The following MXD4 variants were observed in gnomAD, a reference collection of about 807,000 sequenced individuals.
The protein encoded by MXD4 is MAX dimerization protein 4.
Under a neutral mutation model 24.5 loss-of-function variants are expected in MXD4, and 16 were observed. The ratio of observed to expected loss-of-function variants is 0.65; its 90% CI spans 0.44 to 0.99. The LOEUF (loss-of-function observed/expected upper bound fraction) is 0.99, where lower values mean the gene tolerates loss of function less well. Among genes scored for constraint, MXD4 ranks in the 50% least tolerant of loss-of-function variants. The pLI is 0.00. For missense variants in MXD4, 301 were observed against 301.5 expected (o/e 1.00, Z 0.01); for synonymous variants, 164 against 134.2 (o/e 1.22, Z -1.54).
In MXD4 at chr4:2,258,780, G is replaced by C. The variant is rs1477043721; in HGVS notation, c.165-769C>G. 7 of 403,296 alleles carry C rather than the reference G, an allele frequency of 1.7e-5. No individual in the cohort carries two copies. In the Admixed American group the frequency reaches 1.8e-4, roughly 10 times the overall value. 25.0% of individuals were successfully genotyped at this position (403,296 alleles called of 1,614,324 possible). On this transcript the variant is annotated intron_variant, in intron 2 of 5. Transcript: ENST00000337190. ...AGGCCAGTAGGCACAGGGGGACACT[G>C]AGGCCAGCCCTCCCACTTCCCTCAG...
intron 2 of MXD4, chr4:2,260,417 G>A (rs1735515322): frequency 2.6e-6 from 1 of 383,502 alleles, no homozygotes; most frequent in African/African-American, 2.1e-5. Context: ...TCAGCATAGA[G>A]GCAGTGTTCG....
chr4:2,250,311 T>C lies in MXD4; in HGVS notation c.*233A>G. 1 of 585,502 alleles carries C rather than the reference T, an allele frequency of 1.7e-6. No individual in the cohort carries two copies. Among genetic ancestry groups the C allele is most frequent in the Non-Finnish European group, 3.0e-6 (1 of 333,216 alleles). 36.3% of individuals were successfully genotyped at this position (585,502 alleles called of 1,614,324 possible). A position where few individuals can be genotyped will look rare whatever the true frequency, so the allele number is the denominator to read the frequency against. On this transcript the variant is annotated 3_prime_UTR_variant, in exon 6 of 6. Coordinates refer to ENST00000337190, the MANE Select transcript of MXD4 (RefSeq NM_006454.3). ...CGGCTATGCTGACCAGGGCTCCGGATGTGGAAGCTGGGCCCTGCCTCCTTG... is the reference window on the plus strand; with the variant it reads ...CGGCTATGCTGACCAGGGCTCCGGACGTGGAAGCTGGGCCCTGCCTCCTTG...
chr4:2,258,879 GCTCAC>G (rs1235036613), intron 2 of MXD4: 1 of 455,738 alleles, frequency 2.2e-6, no homozygotes, highest in African/African-American at 2.0e-5. Context: ...CCCACCTGCT[GCTCAC>G]CTGTCTTGCC....
chr4:2,255,116 G>A (rs573455775), intron 3 of MXD4: 173 of 367,914 alleles, frequency 4.7e-4, no homozygotes, highest in Non-Finnish European at 7.6e-4. Context: ...GGATGAGAAG[G>A]TGGAGGAGTG....
In MXD4 at chr4:2,247,955, G is replaced by A. The variant is rs926667438; in HGVS notation, c.*2589C>T. On this transcript the variant is annotated 3_prime_UTR_variant, in exon 6 of 6. Transcript: ENST00000337190. The stretch of plus-strand genomic sequence containing the variant: ...CTTCCAATAAGGCTGGGGAACCCAA[G>A]CCTGAGTCTGGGTGCTCAGTGGCCG... The A allele has an allele frequency of 6.6e-6, 1 of 152,436 alleles. No homozygotes were observed. The highest frequency in any genetic ancestry group is 6.5e-5 in the Admixed American group (1 of 15,288). The allele number at this position is 152,436 out of a possible 1,614,324, so 9.4% of individuals were successfully genotyped here.
At chr4:2,260,654 C>T (rs530892842) in intron 2 of MXD4, 2 of 447,060 alleles carry the variant, frequency 4.5e-6, no homozygotes, top group Non-Finnish European at 9.0e-6. Context: ...GACTCAGGGA[C>T]GGGTCCCAGC....
intron 2 of MXD4, among the ~76,000 whole-genome samples, chr4:2,260,896 G>C (rs1356841747): frequency 2.0e-5 from 3 of 152,192 alleles, no homozygotes; most frequent in African/African-American, 7.2e-5. Flanking sequence ...GCAGCCAGGA[G>C]GGTGGAAATC....
At position 2,261,729 on chromosome 4, in the gene MXD4, T is replaced by G. The variant is rs1448870140; in HGVS notation, c.160A>C (p.Asn54His). 1 of 1,390,112 alleles carries G rather than the reference T, an allele frequency of 7.2e-7. No individual in the cohort carries two copies. Among genetic ancestry groups the G allele is most frequent in the Admixed American group, 2.6e-5 (1 of 39,082 alleles). The allele number at this position is 1,390,112 out of a possible 1,614,324, so 86.1% of individuals were successfully genotyped here. Residue 54 changes from asparagine to histidine, a missense_variant, in exon 2 of 6, where the codon AAC becomes CAC. Transcript: ENST00000337190. ...GTCGGGAGCGGGGGGCGGTACCTGTTGTTCGGGGCCTTGCGCACCAGGCCG... is the reference window on the plus strand; with the variant it reads ...GTCGGGAGCGGGGGGCGGTACCTGTGGTTCGGGGCCTTGCGCACCAGGCCG... ...AAGLVRKAPNNRSSHNELEKH... is the reference protein window; with the variant it reads ...AAGLVRKAPNHRSSHNELEKH...
In MXD4 at chr4:2,251,137, C is replaced by G; in HGVS notation, c.419G>C (p.Arg140Pro). ...AGAGCCCGTGCTATCTGTGCGCACG[C>G]GCTCCACGCTCTGCACCGACAGCTG... is the stretch of plus-strand genomic sequence containing the variant. ...LEQLSVQSVE[R>P]VRTDSTGSAV... Residue 140 changes from arginine to proline, a missense_variant, in exon 5 of 6, where the codon CGC (arginine) becomes CCC (proline). By Grantham distance (103) the Arg-to-Pro change is moderately radical. Transcript: ENST00000337190. The G allele has an allele frequency of 1.2e-6, 2 of 1,600,264 alleles. No homozygotes were observed. The highest frequency in any genetic ancestry group is 8.5e-7 in the Non-Finnish European group (1 of 1,173,388).
chr4:2,253,166 T>C (rs924529859), intron 3 of MXD4: 2 of 152,872 alleles, frequency 1.3e-5, no homozygotes, highest in African/African-American at 4.8e-5. Context: ...GGGTACTTGC[T>C]CACATGCCAC....
intron 3 of MXD4, among the ~76,000 whole-genome samples, chr4:2,257,667 G>C (rs961806819): frequency 6.6e-6 from 1 of 152,214 alleles, no homozygotes; most frequent in Non-Finnish European, 1.5e-5. Context: ...CTCCTGATTG[G>C]AGACCACTGT....
rs1735251832 is a variant in MXD4, at chr4:2,248,817, C to T, written c.*1727G>A. 6.6e-6 allele frequency: 1 copy of T among 152,270 alleles called. No individual in the cohort carries two copies. The allele number at this position is 152,270 out of a possible 1,614,324, so 9.4% of individuals were successfully genotyped here. On this transcript the variant is annotated 3_prime_UTR_variant, in exon 6 of 6. Coordinates refer to ENST00000337190, the MANE Select transcript of MXD4 (RefSeq NM_006454.3). ...TTCCCCATGATATGGGAATTGGCTA[C>T]AGATGTACCAGAGGCACGGCAGGCA...
intron 2 of MXD4, among the ~76,000 whole-genome samples, 184 bp downstream of exon 2, chr4:2,261,541 G>A (rs1253816015): frequency 1.3e-5 from 2 of 148,524 alleles, no homozygotes; most frequent in South Asian, 2.1e-4. Context: ...GCGACGGCGA[G>A]GGCGGGGCCG....
Position 2,249,495 on chromosome 4 carries a change from C to T in MXD4, c.*1049G>A, listed in dbSNP as rs1220138499. 7 of 151,790 alleles carry T rather than the reference C, an allele frequency of 4.6e-5. No homozygotes were observed. The highest frequency in any genetic ancestry group is 8.8e-5 in the Non-Finnish European group (6 of 67,888). The allele number at this position is 151,790 out of a possible 1,614,324, so 9.4% of individuals were successfully genotyped here. A position where few individuals can be genotyped will look rare whatever the true frequency, so the allele number is the denominator to read the frequency against. ...AAGCCTCTCTGCCAGCTGAAGCTGCCGCAGCAGAGCTCATGAGAAGCCCTT... is the reference window on the plus strand; with the variant it reads ...AAGCCTCTCTGCCAGCTGAAGCTGCTGCAGCAGAGCTCATGAGAAGCCCTT... On this transcript the variant is annotated 3_prime_UTR_variant, in exon 6 of 6. Coordinates refer to ENST00000337190, the MANE Select transcript of MXD4 (RefSeq NM_006454.3).
At chr4:2,256,919 C>T (rs1309630468) in intron 3 of MXD4, among the ~76,000 whole-genome samples, 5 of 152,190 alleles carry the variant, frequency 3.3e-5, no homozygotes, top group Non-Finnish European at 7.4e-5. Context: ...CTCCTGGGTC[C>T]TGGTCAAGGC....
chr4:2,258,925 C>A (rs1403442290), intron 2 of MXD4: 1 of 456,158 alleles, frequency 2.2e-6, no homozygotes, highest in South Asian at 1.5e-5. Context: ...ATTCCCAGCA[C>A]CACAGGGTGT....
rs376004536 is a variant in MXD4 at position 2,251,076 on chromosome 4, C to A, written c.472+8G>T. ...CCAGGTGAGGCTGCCCCGCGCCCCA[C>A]GCCCCACCTTGCTCTGAGTCGTCCG... On this transcript the variant is annotated splice_region_variant and intron_variant, in intron 5 of 5. Transcript: ENST00000337190. 4 of 1,558,070 alleles carry A rather than the reference C, an allele frequency of 2.6e-6. No individual in the cohort carries two copies. In the Admixed American group the frequency reaches 5.4e-5, roughly 21 times the overall value.
chr4:2,248,786 C>T lies in MXD4; in HGVS notation c.*1758G>A, dbSNP rs575401494. ...CTATGCGTACGACTGAAAATAGACA[C>T]GAATTTTCCCCATGATATGGGAATT... On this transcript the variant is annotated 3_prime_UTR_variant, in exon 6 of 6. Coordinates refer to ENST00000337190, the MANE Select transcript of MXD4 (RefSeq NM_006454.3). The T allele has an allele frequency of 5.2e-5, 8 of 152,394 alleles. No homozygotes were observed. In the East Asian group the frequency reaches 5.8e-4, roughly 11 times the overall value. 9.4% of individuals were successfully genotyped at this position (152,394 alleles called of 1,614,324 possible). A position where few individuals can be genotyped will look rare whatever the true frequency, so the allele number is the denominator to read the frequency against.
chr4:2,252,568 C>T, intron 3 of MXD4, 46 bp from the exon 4 acceptor site: 1 of 1,421,830 alleles, frequency 7.0e-7, no homozygotes, highest in Non-Finnish European at 9.8e-7. Flanking sequence ...TGGGGGAGGG[C>T]AGCAGGCAGT....
Sources: gnomAD v4.1 joint callset for allele counts (sites outside exome capture counted in the v4.1 genomes callset) on GRCh38, gnomAD v4.1.1 for gene constraint, MANE v1.5 for transcripts, NCBI Gene and HGNC (gene_info 2026-07-23, HGNC 2026-07-21) for gene names.